The following ARHGAP18 variants were observed in gnomAD, a reference collection of about 807,000 sequenced individuals.
ARHGAP18 encodes the protein Rho GTPase activating protein 18, also known as rho GTPase-activating protein 18.
ARHGAP18 carries 67 observed loss-of-function variants against 86.2 expected under a neutral mutation model. The ratio of observed to expected loss-of-function variants is 0.78; its 90% confidence interval spans 0.64 to 0.95. The LOEUF is 0.95. ARHGAP18 is among the 40% of genes least tolerant of loss of function. The pLI is 0.00. For missense variants in ARHGAP18, 691 were observed against 780.4 expected (o/e 0.89, Z 1.37); for synonymous variants, 283 against 280.4 (o/e 1.01, Z -0.09).
Position 129,625,075 on chromosome 6 carries a change from T to G in ARHGAP18, c.786+4278A>C, listed in dbSNP as rs1355564497. Among the ~76,000 whole-genome samples, 12 of 105,162 alleles carry G rather than the reference T, an allele frequency of 1.1e-4. 2 individuals are homozygous for G. The highest frequency in any genetic ancestry group is 8.0e-4 in the Admixed American group (6 of 7,470). 69.0% of individuals were successfully genotyped at this position (105,162 alleles called of 152,430 possible). A position where few individuals can be genotyped will look rare whatever the true frequency, so the allele number is the denominator to read the frequency against. ...ATGATTGATATATATTTATATATAATATATATGATATATGATATATGATAT... is the reference window on the plus strand; with the variant it reads ...ATGATTGATATATATTTATATATAAGATATATGATATATGATATATGATAT... On this transcript the variant is annotated intron_variant, in intron 5 of 14. Transcript: ENST00000368149.
At chr6:129,663,073 C>G (rs1773983361) in intron 1 of ARHGAP18, among the ~76,000 whole-genome samples, 2 of 152,168 alleles carry the variant, frequency 1.3e-5, no homozygotes, top group African/African-American at 2.4e-5. Flanking sequence ...TAGAGAAAAT[C>G]AACATCGCCA....
At position 129,638,463 on chromosome 6, in the gene ARHGAP18, T is replaced by C. The variant is rs1773379446; in HGVS notation, c.483A>G (p.Lys161=). 2 of 1,614,208 alleles carry C rather than the reference T, an allele frequency of 1.2e-6. No individual in the cohort carries two copies. Among genetic ancestry groups the C allele is most frequent in the Non-Finnish European group, 1.7e-6 (2 of 1,180,044 alleles). ...RVETVSQTLR[K]KNKQYQIPDV... Reference sequence around the variant, plus strand: ...CAGGAATCTGGTACTGTTTGTTTTTTTTCCTCAAGGTCTGGGAGACCGTCT... The same window carrying C: ...CAGGAATCTGGTACTGTTTGTTTTTCTTCCTCAAGGTCTGGGAGACCGTCT... Residue 161 remains lysine, a synonymous_variant, in exon 3 of 15, where the codon AAA becomes AAG. Transcript: ENST00000368149.
chr6:129,683,067 TTG>T (rs1432652824), intron 1 of ARHGAP18, among the ~76,000 whole-genome samples: 1,941 of 147,624 alleles, frequency 0.013, 21 homozygotes, highest in African/African-American at 0.049. Context: ...TTTTTTTTTT[TTG>T]TTTTTTTTTT....
chr6:129,628,849 A>T (rs1385068423), intron 5 of ARHGAP18, among the ~76,000 whole-genome samples: 1 of 152,200 alleles, frequency 6.6e-6, no homozygotes, highest in Non-Finnish European at 1.5e-5. Context: ...TATAAAGAAC[A>T]ATATTGTGAC....
At chr6:129,668,362 T>A (rs1446769428) in intron 1 of ARHGAP18, among the ~76,000 whole-genome samples, 2 of 137,756 alleles carry the variant, frequency 1.5e-5, no homozygotes, top group African/African-American at 2.7e-5. Context: ...ACCCAAATAA[T>A]CACACACACA....
At chr6:129,707,054 C>T (rs1042105158) in intron 1 of ARHGAP18, among the ~76,000 whole-genome samples, 1 of 151,366 alleles carries the variant, frequency 6.6e-6, no homozygotes, top group African/African-American at 2.4e-5. Flanking sequence ...TGGAGAAACC[C>T]CGACTCCACT....
chr6:129,706,438 C>T (rs927180247), intron 1 of ARHGAP18, among the ~76,000 whole-genome samples: 2 of 152,162 alleles, frequency 1.3e-5, no homozygotes, highest in Admixed American at 1.3e-4. Flanking sequence ...GGGAGAGGCT[C>T]TAACCAGGAG....
intron 1 of ARHGAP18, among the ~76,000 whole-genome samples, chr6:129,692,471 T>C (rs538811228): frequency 6.6e-6 from 1 of 152,266 alleles, no homozygotes; most frequent in South Asian, 2.1e-4. Context: ...AATGATATCA[T>C]GTCAAGGTGG....
Position 129,597,126 on chromosome 6 carries a change from T to A in ARHGAP18, c.1713+2090A>T, listed in dbSNP as rs114207077. Among the ~76,000 whole-genome samples, 1,292 of 152,146 alleles carry A rather than the reference T, an allele frequency of 8.5e-3. 19 individuals carry two copies. Among genetic ancestry groups the A allele is most frequent in the African/African-American group, 0.03 (1,248 of 41,490 alleles). On this transcript the variant is annotated intron_variant, in intron 12 of 14. Coordinates refer to ENST00000368149, the MANE Select transcript of ARHGAP18 (RefSeq NM_033515.3). ...TAATAAAATGGCATAATTTTTTTTT[T>A]AAATTTTGGCTATTGATTAGAATTT...
intron 1 of ARHGAP18, among the ~76,000 whole-genome samples, chr6:129,688,549 T>G (rs566139101): frequency 6.6e-6 from 1 of 152,148 alleles, no homozygotes; most frequent in Non-Finnish European, 1.5e-5. Flanking sequence ...TCCCAGCACT[T>G]TGGGAGGCCG....
At chr6:129,624,952 A>C (rs1030622045) in intron 5 of ARHGAP18, among the ~76,000 whole-genome samples, 1 of 133,334 alleles carries the variant, frequency 7.5e-6, no homozygotes, top group Non-Finnish European at 1.5e-5. Context: ...TTTCAAAAAT[A>C]TATATATATA....
In ARHGAP18 at chr6:129,599,319, T is replaced by C. The variant is rs763645667; in HGVS notation, c.1610A>G (p.Asn537Ser). 7 of 1,591,886 alleles carry C rather than the reference T, an allele frequency of 4.4e-6. No individual in the cohort carries two copies. The South Asian group carries it at 8.1e-5, about 18-fold the overall frequency. Residue 537 changes from asparagine (N) to serine (S), a missense_variant, in exon 12 of 15, where the codon AAC becomes AGC. Transcript: ENST00000368149. ...KFIVNQVRKQNTENHKKDKRA... is the reference protein window; with the variant it reads ...KFIVNQVRKQSTENHKKDKRA... ...TTTATCCTTTTTATGATTTTCCGTG[T>C]TTTGCTTCCTCACTTGGTTTACAAT... is the stretch of plus-strand genomic sequence containing the variant.
At position 129,691,335 on chromosome 6, in the gene ARHGAP18, G is replaced by A. The variant is rs566259387; in HGVS notation, c.113+18689C>T. ...TTACAGAAAAAGAAAACTAGTACTC[G>A]GGGGTGGGAAAATATTGAATCATGC... On this transcript the variant is annotated intron_variant, in intron 1 of 14. Transcript: ENST00000368149. Among the ~76,000 whole-genome samples, 11 of 151,918 alleles carry A rather than the reference G, an allele frequency of 7.2e-5. No homozygotes were observed. The South Asian group carries it at 1.2e-3, about 17-fold the overall frequency.
chr6:129,624,697 T>C lies in ARHGAP18; in HGVS notation c.786+4656A>G, dbSNP rs1420368386. Among the ~76,000 whole-genome samples, 4 of 151,510 alleles carry C rather than the reference T, an allele frequency of 2.6e-5. No homozygotes were observed. The East Asian group carries it at 7.8e-4, about 29-fold the overall frequency. On this transcript the variant is annotated intron_variant, in intron 5 of 14. Coordinates refer to ENST00000368149, the MANE Select transcript of ARHGAP18 (RefSeq NM_033515.3). ...CAGTGGCTCATGCCTGTAATCCTAGTGTTTTGGAAGGCTGAGGTGGGTGGA... is the reference window on the plus strand; with the variant it reads ...CAGTGGCTCATGCCTGTAATCCTAGCGTTTTGGAAGGCTGAGGTGGGTGGA...
intron 12 of ARHGAP18, among the ~76,000 whole-genome samples, chr6:129,593,343 C>T (rs1788555816): frequency 6.6e-6 from 1 of 152,034 alleles, no homozygotes; most frequent in Non-Finnish European, 1.5e-5. Context: ...TGCCTGTAGT[C>T]CCAGCTACTC....
At chr6:129,691,605 C>T (rs1028303931) in intron 1 of ARHGAP18, among the ~76,000 whole-genome samples, 1 of 152,040 alleles carries the variant, frequency 6.6e-6, no homozygotes, top group Non-Finnish European at 1.5e-5. Flanking sequence ...TATTCGAGCG[C>T]TATCAATTAA....
At chr6:129,626,648 A>T (rs1369682421) in intron 5 of ARHGAP18, among the ~76,000 whole-genome samples, 1 of 148,512 alleles carries the variant, frequency 6.7e-6, no homozygotes, top group Admixed American at 6.9e-5. Context: ...CCCTTTTAGG[A>T]TGTACCCCCA....
chr6:129,667,198 A>T (rs1439305788), intron 1 of ARHGAP18, among the ~76,000 whole-genome samples: 5 of 151,284 alleles, frequency 3.3e-5, no homozygotes, highest in African/African-American at 4.9e-5. Context: ...AAAAAAATAT[A>T]TTTTTTTTTC....
At chr6:129,613,232 C>CAAAAAAAAAAAAAAAAAA in intron 7 of ARHGAP18, among the ~76,000 whole-genome samples, 1 of 94,190 alleles carries the variant, frequency 1.1e-5, no homozygotes, top group Non-Finnish European at 2.0e-5. Context: ...GACTCTGTCT[C>CAAAAAAAAAAAAAAAAAA]AAAAAAAAAA....
Sources: gnomAD v4.1 joint callset for allele counts (sites outside exome capture counted in the v4.1 genomes callset) on GRCh38, gnomAD v4.1.1 for gene constraint, MANE v1.5 for transcripts, NCBI Gene and HGNC (gene_info 2026-07-23, HGNC 2026-07-21) for gene names.